The following QKI variants were observed in gnomAD, a reference collection of about 807,000 sequenced individuals.
QKI encodes the protein QKI, KH domain containing RNA binding.
QKI carries 10 observed loss-of-function variants against 39.0 expected under a neutral mutation model. The ratio of observed to expected loss-of-function variants is 0.26; its 90% CI spans 0.16 to 0.43. The LOEUF (loss-of-function observed/expected upper bound fraction) is 0.43, where lower values mean the gene tolerates loss of function less well. QKI is among the 20% of genes least tolerant of loss of function. The probability of loss-of-function intolerance (pLI) is 1.00; values close to 1 mark genes in which losing one functional copy is unlikely to be tolerated. For synonymous variants in QKI, 204 were observed against 155.4 expected (o/e 1.31, Z -2.33); for missense variants, 218 against 428.0 (o/e 0.51, Z 4.33).
At chr6:163,436,651 T>A (rs573691092) in intron 1 of QKI, among the ~76,000 whole-genome samples, 1 of 151,996 alleles carries the variant, frequency 6.6e-6, no homozygotes, top group Non-Finnish European at 1.5e-5. Context: ...CCATCTCTAC[T>A]AAAACTACAA....
intron 3 of QKI, among the ~76,000 whole-genome samples, chr6:163,500,581 A>G (rs1778698346): frequency 6.6e-6 from 1 of 152,194 alleles, no homozygotes; most frequent in Non-Finnish European, 1.5e-5. Flanking sequence ...AAATGTGGAC[A>G]TAATTGGTGC....
At chr6:163,469,079 GTTAGTAAGA>G (rs1791996718) in intron 2 of QKI, among the ~76,000 whole-genome samples, 1 of 152,036 alleles carries the variant, frequency 6.6e-6, no homozygotes, top group Admixed American at 6.6e-5. Flanking sequence ...ATTTTTTAAG[GTTAGTAAGA>G]TTAGTAAGGT....
intron 1 of QKI, among the ~76,000 whole-genome samples, chr6:163,453,096 T>G (rs1184623153): frequency 6.9e-6 from 1 of 145,886 alleles, no homozygotes; most frequent in Non-Finnish European, 1.5e-5. Context: ...GATTCTTTTG[T>G]TTTTTTTTTT....
intron 7 of QKI, chr6:163,568,851 G>A: frequency 1.0e-6 from 1 of 985,760 alleles, no homozygotes; most frequent in Non-Finnish European, 1.2e-6. Context: ...TGACCTTTTA[G>A]TTGTAATGAA....
chr6:163,423,903 G>A (rs775144816), intron 1 of QKI, among the ~76,000 whole-genome samples: 3 of 152,210 alleles, frequency 2.0e-5, no homozygotes, highest in Non-Finnish European at 4.4e-5. Flanking sequence ...AGTTAGGAAT[G>A]TATACTTGTA....
chr6:163,422,164 T>A (rs2128207774), intron 1 of QKI, among the ~76,000 whole-genome samples: 1 of 152,290 alleles, frequency 6.6e-6, no homozygotes, highest in South Asian at 2.1e-4. Flanking sequence ...TCTAGAATTC[T>A]TACAATTAGC....
intron 1 of QKI, among the ~76,000 whole-genome samples, chr6:163,440,071 C>T (rs184689968): frequency 1.3e-5 from 2 of 152,300 alleles, no homozygotes; most frequent in East Asian, 3.9e-4. Context: ...TTTCCCCCCT[C>T]ATTGTATATG....
chr6:163,549,581 G>A (rs999549635), intron 4 of QKI, among the ~76,000 whole-genome samples: 5 of 152,174 alleles, frequency 3.3e-5, no homozygotes, highest in African/African-American at 9.6e-5. Flanking sequence ...GCATGGTGAC[G>A]CACACATGTA....
intron 6 of QKI, chr6:163,564,634 G>A (rs763900778): frequency 6.2e-6 from 10 of 1,613,568 alleles, no homozygotes; most frequent in South Asian, 2.2e-5. Flanking sequence ...TGGTGTGCTC[G>A]AAAAAGACAT....
At chr6:163,486,057 A>G (rs1777651477) in intron 3 of QKI, among the ~76,000 whole-genome samples, 1 of 152,212 alleles carries the variant, frequency 6.6e-6, no homozygotes, top group Admixed American at 6.5e-5. Flanking sequence ...CTTGGGCTAG[A>G]TGGTATCAGC....
chr6:163,445,631 T>G (rs1373913817), intron 1 of QKI, among the ~76,000 whole-genome samples: 1 of 151,646 alleles, frequency 6.6e-6, no homozygotes, highest in Non-Finnish European at 1.5e-5. Flanking sequence ...TTTTTTTTTT[T>G]TTAGTTGGAG....
At chr6:163,558,245 T>C (rs928519795) in intron 4 of QKI, among the ~76,000 whole-genome samples, 1 of 152,138 alleles carries the variant, frequency 6.6e-6, no homozygotes, top group South Asian at 2.1e-4. Flanking sequence ...TCTGAACTTA[T>C]ATTTGAAAAA....
intron 4 of QKI, among the ~76,000 whole-genome samples, chr6:163,535,847 G>A (rs1020534017): frequency 5.3e-5 from 8 of 152,116 alleles, no homozygotes; most frequent in Non-Finnish European, 1.0e-4. Flanking sequence ...CATGAGAATC[G>A]CCTGAGCCTG....
intron 4 of QKI, among the ~76,000 whole-genome samples, chr6:163,542,779 G>T (rs1781619730): frequency 6.6e-6 from 1 of 151,970 alleles, no homozygotes; most frequent in Non-Finnish European, 1.5e-5. Flanking sequence ...ACATATAGCT[G>T]ATCTCTTTAT....
intron 2 of QKI, among the ~76,000 whole-genome samples, chr6:163,473,701 T>G (rs1792372659): frequency 6.6e-6 from 1 of 152,214 alleles, no homozygotes; most frequent in Admixed American, 6.5e-5. Context: ...TTTAAAACTT[T>G]CTGTAGTGAA....
In QKI at chr6:163,516,413, G is replaced by A. The variant is rs189992119; in HGVS notation, c.403-18569G>A. Among the ~76,000 whole-genome samples the A allele has an allele frequency of 3.3e-3, 501 of 152,196 alleles. 4 individuals carry two copies. Among genetic ancestry groups the A allele is most frequent in the African/African-American group, 0.011 (471 of 41,532 alleles). On this transcript the variant is annotated intron_variant, in intron 3 of 7. Transcript: ENST00000361752. ...AGTTTCAAGCAGTTCTCCTGCCTCA[G>A]CCTCCCAAATAGCTGGGACTATAGG...
intron 7 of QKI, chr6:163,568,154 G>A: frequency 1.0e-6 from 1 of 985,224 alleles, no homozygotes; most frequent in Non-Finnish European, 1.2e-6. Context: ...AGTCACTTGA[G>A]TTTTAAAGAA....
At chr6:163,515,934 GATTATTT>G (rs1779765035) in intron 3 of QKI, among the ~76,000 whole-genome samples, 1 of 151,960 alleles carries the variant, frequency 6.6e-6, no homozygotes, top group Non-Finnish European at 1.5e-5. Context: ...GGTATAAGCT[GATTATTT>G]ATCTCTCAAA....
chr6:163,531,016 T>G (rs1414969609), intron 3 of QKI, among the ~76,000 whole-genome samples: 1 of 151,692 alleles, frequency 6.6e-6, no homozygotes, highest in Non-Finnish European at 1.5e-5. Flanking sequence ...TATACAGTTC[T>G]GCACCATTTT....
Sources: allele counts gnomAD v4.1 joint callset (sites outside exome capture counted in the v4.1 genomes callset), GRCh38; gene constraint gnomAD v4.1.1; transcripts MANE v1.5; gene names NCBI Gene and HGNC (gene_info 2026-07-23, HGNC 2026-07-21).